Variants in KLHL2 observed in about 807,000 individuals in gnomAD.
KLHL2 encodes kelch-like protein 2.
In KLHL2, 15 loss-of-function variants were observed where a neutral mutation model predicts 75.8. The ratio of observed to expected loss-of-function variants is 0.20; its 90% CI spans 0.13 to 0.30. The LOEUF is 0.30. Ranked by LOEUF, KLHL2 falls within the 10% of genes least tolerant of loss-of-function variation. KLHL2 has a pLI of 1.00. For missense variants in KLHL2, 381 were observed against 741.0 expected, an observed-to-expected ratio of 0.51 and a Z score of 5.64; for synonymous variants, 214 against 251.9, an observed-to-expected ratio of 0.85 and a Z score of 1.42.
intron 1 of KLHL2, among the ~76,000 whole-genome samples, chr4:165,219,377 A>G (rs907397029): frequency 1.3e-5 from 2 of 152,244 alleles, no homozygotes; most frequent in Admixed American, 1.3e-4. Context: ...ATGAAAGTAA[A>G]CTACTCAGCA....
intron 5 of KLHL2, among the ~76,000 whole-genome samples, chr4:165,268,075 C>T (rs1275074623): frequency 6.6e-6 from 1 of 152,118 alleles, no homozygotes; most frequent in Admixed American, 6.6e-5. Context: ...TCCATTTCTT[C>T]TAGATTTTCT....
chr4:165,241,336 G>A (rs1490680540), intron 4 of KLHL2, among the ~76,000 whole-genome samples: 1 of 152,136 alleles, frequency 6.6e-6, no homozygotes, highest in African/African-American at 2.4e-5. Flanking sequence ...TTCCTGCTTT[G>A]TATATTTTTT....
intron 5 of KLHL2, among the ~76,000 whole-genome samples, chr4:165,264,674 GTA>G (rs1449007749): frequency 1.3e-5 from 1 of 76,798 alleles, no homozygotes; most frequent in African/African-American, 4.6e-5. Flanking sequence ...GTCTACATAC[GTA>G]TATGTATGTG....
intron 4 of KLHL2, among the ~76,000 whole-genome samples, chr4:165,253,186 C>A (rs1349037635): frequency 2.0e-5 from 3 of 152,118 alleles, no homozygotes; most frequent in African/African-American, 7.2e-5. Flanking sequence ...AGGCACCCAC[C>A]ACCATGCCTG....
rs140366904 is a variant in KLHL2, at chr4:165,296,844, G to A, written c.655-765G>A. On this transcript the variant is annotated intron_variant, in intron 6 of 14. Coordinates refer to ENST00000226725, the MANE Select transcript of KLHL2 (RefSeq NM_007246.4). Reference sequence around the variant, plus strand: ...ATTAAAGAGGGGTGTTAATTTTAATGTGCATTATTTTTAGTTTCTTGCTTT... The same window carrying A: ...ATTAAAGAGGGGTGTTAATTTTAATATGCATTATTTTTAGTTTCTTGCTTT... 2.9e-3 allele frequency among the ~76,000 whole-genome samples: 436 copies of A among 152,060 alleles called. 2 individuals are homozygous for A. The highest frequency in any genetic ancestry group is 0.01 in the African/African-American group (421 of 41,486).
chr4:165,278,781 T>C lies in KLHL2; in HGVS notation c.544+15422T>C, dbSNP rs185230353. The C allele has an allele frequency of 1.0e-4, 157 of 1,548,834 alleles. No individual in the cohort carries two copies. The East Asian group carries it at 2.5e-3, about 25-fold the overall frequency. On this transcript the variant is annotated intron_variant, in intron 5 of 14. Transcript: ENST00000226725. ...TCAGAAAATACACACTTATGGCCTG[T>C]ATTACATAGTAAGAAACATCCTGTT...
intron 4 of KLHL2, among the ~76,000 whole-genome samples, chr4:165,255,036 C>T (rs1741054416): frequency 6.6e-6 from 1 of 152,136 alleles, no homozygotes; most frequent in Admixed American, 6.5e-5. Context: ...TTTCAATAAC[C>T]CTGAAAGGTA....
chr4:165,210,339 G>A (rs1008271573), intron 1 of KLHL2, among the ~76,000 whole-genome samples: 6 of 152,118 alleles, frequency 3.9e-5, no homozygotes, highest in African/African-American at 7.2e-5. Context: ...TTGGCACATT[G>A]TCTTGGAGGG....
intron 4 of KLHL2, among the ~76,000 whole-genome samples, chr4:165,255,539 G>A (rs1741094150): frequency 6.6e-6 from 1 of 152,072 alleles, no homozygotes; most frequent in Non-Finnish European, 1.5e-5. Context: ...GATGTAGGGG[G>A]CTGGCCCGGT....
chr4:165,257,095 T>C (rs1357384311), intron 4 of KLHL2, among the ~76,000 whole-genome samples: 2 of 152,260 alleles, frequency 1.3e-5, no homozygotes, highest in East Asian at 1.9e-4. Flanking sequence ...AATAGTTCTT[T>C]AGCTAAGTAT....
At chr4:165,267,565 A>G (rs374305400) in intron 5 of KLHL2, among the ~76,000 whole-genome samples, 1 of 152,150 alleles carries the variant, frequency 6.6e-6, no homozygotes, top group African/African-American at 2.4e-5. Flanking sequence ...ATCTATTGGG[A>G]TAATCATGTG....
intron 5 of KLHL2, among the ~76,000 whole-genome samples, chr4:165,294,032 T>C (rs184818938): frequency 5.8e-4 from 89 of 152,330 alleles, no homozygotes; most frequent in African/African-American, 2.1e-3. Flanking sequence ...TAAGTACTGA[T>C]GGTGTCATAC....
chr4:165,309,050 A>G (rs1042354653), intron 9 of KLHL2, among the ~76,000 whole-genome samples: 6 of 152,208 alleles, frequency 3.9e-5, no homozygotes, highest in African/African-American at 9.6e-5. Flanking sequence ...CTCGTCAAAC[A>G]TATCTGGTGA....
intron 5 of KLHL2, among the ~76,000 whole-genome samples, chr4:165,283,902 C>T (rs1560803211): frequency 6.6e-6 from 1 of 152,218 alleles, no homozygotes; most frequent in Admixed American, 6.5e-5. Flanking sequence ...CTTCTGTGTA[C>T]TCACAGGCTC....
chr4:165,278,807 C>G, intron 5 of KLHL2: 1 of 1,543,160 alleles, frequency 6.5e-7, no homozygotes. Flanking sequence ...ACATCCTGTT[C>G]CATACGTATT....
intron 3 of KLHL2, among the ~76,000 whole-genome samples, chr4:165,235,915 G>A (rs1332361342): frequency 2.0e-5 from 3 of 152,100 alleles, no homozygotes; most frequent in South Asian, 2.1e-4. Context: ...TAGAAATAGC[G>A]GGAGGAGAGA....
Position 165,275,967 on chromosome 4 carries a change from C to CAA in KLHL2, c.544+12619_544+12620dup, listed in dbSNP as rs535341332. On this transcript the variant is annotated intron_variant, in intron 5 of 14. Transcript: ENST00000226725. ...AAAACCAGGTCTCTACTAAAAATAC[C>CAA]AAAAAAAAAAAAGAGCCAGGCATGG... Among the ~76,000 whole-genome samples, 472 of 144,870 alleles carry CAA rather than the reference C, an allele frequency of 3.3e-3. 1 individual carries two copies. Among genetic ancestry groups the CAA allele is most frequent in the Middle Eastern group, 0.021 (6 of 280 alleles).
In KLHL2 at chr4:165,265,599, G is replaced by A. The variant is rs9992582; in HGVS notation, c.544+2240G>A. 5.7e-3 allele frequency among the ~76,000 whole-genome samples: 863 copies of A among 151,678 alleles called. 10 individuals are homozygous for A. Among genetic ancestry groups the A allele is most frequent in the African/African-American group, 0.02 (827 of 41,408 alleles). On this transcript the variant is annotated intron_variant, in intron 5 of 14. Transcript: ENST00000226725. Reference sequence around the variant, plus strand: ...CTCACCATATATAAAACGTGTACACGAGCACAACGTGATGGTTTCCAGCTT... The same window carrying A: ...CTCACCATATATAAAACGTGTACACAAGCACAACGTGATGGTTTCCAGCTT...
intron 6 of KLHL2, among the ~76,000 whole-genome samples, chr4:165,294,766 T>A (rs1424862012): frequency 6.6e-6 from 1 of 152,230 alleles, no homozygotes; most frequent in African/African-American, 2.4e-5. Flanking sequence ...CTTGCACACA[T>A]TAGACTATCT....
Sources: allele counts gnomAD v4.1 joint callset (sites outside exome capture counted in the v4.1 genomes callset), GRCh38; gene constraint gnomAD v4.1.1; transcripts MANE v1.5; gene names NCBI Gene and HGNC (gene_info 2026-07-23, HGNC 2026-07-21).